The following SP110 variants were observed in gnomAD, a reference collection of about 807,000 sequenced individuals.
The protein encoded by SP110 is SP110 nuclear body protein, also known as interferon-induced protein 41, 30kD.
In SP110, 62 loss-of-function variants were observed where a neutral mutation model predicts 92.7. The ratio of observed to expected loss-of-function variants is 0.67; its 90% confidence interval spans 0.55 to 0.83. The LOEUF (loss-of-function observed/expected upper bound fraction) is 0.83. SP110 is among the 40% of genes least tolerant of loss of function. The pLI is 0.00. For synonymous variants in SP110, 273 were observed against 305.3 expected (o/e 0.89, Z 1.10); for missense variants, 793 against 863.9 (o/e 0.92, Z 1.03).
chr2:230,209,060 TTTTTG>T (rs2044184523), intron 7 of SP110, among the ~76,000 whole-genome samples: 3 of 152,204 alleles, frequency 2.0e-5, no homozygotes, highest in African/African-American at 7.2e-5. Context: ...GAAAAATATA[TTTTTG>T]ATTCTTTTTC....
At chr2:230,177,432 C>T (rs1269106564) in intron 14 of SP110, 106 bp downstream of exon 14, 2 of 1,189,412 alleles carry the variant, frequency 1.7e-6, no homozygotes, top group Non-Finnish European at 2.5e-6. Context: ...CCTTATAAAT[C>T]ATGCTGTTGA....
rs34926695 is a variant in SP110, at chr2:230,198,596, A to AT, written c.1129+2288dup. 2.2e-4 allele frequency among the ~76,000 whole-genome samples: 34 copies of AT among 151,430 alleles called. No individual in the cohort carries two copies. The East Asian group carries it at 3.1e-3, about 14-fold the overall frequency. ...CCAGTCCTGGCAATAAAATGATAGAATTTTTTTTTCTTTTTTGAGATGGAG... is the reference window on the plus strand; with the variant it reads ...CCAGTCCTGGCAATAAAATGATAGAATTTTTTTTTTCTTTTTTGAGATGGAG... On this transcript the variant is annotated intron_variant, in intron 10 of 18. Transcript: ENST00000258381.
upstream of SP110, chr2:230,220,060 A>G: frequency 1.0e-5 from 10 of 985,582 alleles, no homozygotes; most frequent in Non-Finnish European, 1.2e-5. Context: ...CCAAGCCGGA[A>G]GCTGAAGGCA....
intron 10 of SP110, among the ~76,000 whole-genome samples, chr2:230,193,458 T>G (rs907109738): frequency 1.3e-5 from 2 of 152,358 alleles, no homozygotes; most frequent in East Asian, 3.9e-4. Flanking sequence ...CCTTGTGAGT[T>G]TTATGCTTTC....
At chr2:230,197,140 C>CTAGTGTA (rs1399814877) in intron 10 of SP110, among the ~76,000 whole-genome samples, 1 of 152,176 alleles carries the variant, frequency 6.6e-6, no homozygotes, top group Non-Finnish European at 1.5e-5. Flanking sequence ...AATGGTTGAA[C>CTAGTGTA]TAGTGTACAG....
At position 230,212,433 on chromosome 2, in the gene SP110, GA is replaced by G; in HGVS notation, c.584-4del. 1 of 1,602,240 alleles carries G rather than the reference GA, an allele frequency of 6.2e-7. No individual in the cohort carries two copies. The highest frequency in any genetic ancestry group is 1.7e-5 in the Admixed American group (1 of 59,988). ...GGATGTTAACTTGTCATTGGTCACTGAAGGAGGAAAGGAAATTATTACAGAT... is the reference window on the plus strand; with the variant it reads ...GGATGTTAACTTGTCATTGGTCACTGAGGAGGAAAGGAAATTATTACAGAT... On this transcript the variant is annotated splice_region_variant and splice_polypyrimidine_tract_variant and intron_variant, in intron 4 of 18. Coordinates refer to ENST00000258381, the MANE Select transcript of SP110 (RefSeq NM_080424.4).
chr2:230,220,579 C>G (rs1201966037), upstream of SP110, among the ~76,000 whole-genome samples: 2 of 152,142 alleles, frequency 1.3e-5, no homozygotes, highest in Non-Finnish European at 2.9e-5. Flanking sequence ...TAGTTGGGAG[C>G]CAGGAGTCTG....
chr2:230,202,884 A>G (rs1444527674), intron 8 of SP110, 156 bp from the exon 9 acceptor site: 2 of 718,390 alleles, frequency 2.8e-6, no homozygotes, highest in East Asian at 5.2e-5. Flanking sequence ...CTTCTCTATA[A>G]TTATATCCTT....
At chr2:230,210,475 G>A (rs1022704172) in intron 6 of SP110, among the ~76,000 whole-genome samples, 1 of 152,146 alleles carries the variant, frequency 6.6e-6, no homozygotes, top group Non-Finnish European at 1.5e-5. Context: ...ACATCTTATT[G>A]CTTTGACGTC....
rs1212638320 is a variant in SP110 at position 230,212,361 on chromosome 2, G to T, written c.653C>A (p.Thr218Asn). 6 of 1,612,052 alleles carry T rather than the reference G, an allele frequency of 3.7e-6. No homozygotes were observed. In the Admixed American group the frequency reaches 8.3e-5, roughly 22 times the overall value. Residue 218 changes from threonine (T) to asparagine (N), a missense_variant, in exon 5 of 19, where the codon ACT becomes AAT. Transcript: ENST00000258381. ...EDSEEMPSLL[T>N]STVQVASDNL... ...GTCAGTGTTACCTTGCACAGTGCTA[G>T]TGAGGAGGCTGGGCATCTCTTCTGA...
At chr2:230,173,183 T>C (rs545256161) in intron 14 of SP110, 1 of 512,030 alleles carries the variant, frequency 2.0e-6, no homozygotes, top group Non-Finnish European at 3.7e-6. Context: ...ACTTTTCTTC[T>C]CTGGCTGTGG....
In SP110 at chr2:230,212,904, G is replaced by A. The variant is rs748065443; in HGVS notation, c.440C>T (p.Pro147Leu). 1 of 1,614,134 alleles carries A rather than the reference G, an allele frequency of 6.2e-7. No homozygotes were observed. Among genetic ancestry groups the A allele is most frequent in the Admixed American group, 1.7e-5 (1 of 60,030 alleles). Residue 147 changes from proline to leucine, a missense_variant, in exon 4 of 19, where the codon CCA (proline) becomes CTA (leucine). Physicochemically the swap from Pro to Leu is moderately conservative, Grantham distance 98 (BLOSUM62 -3). Coordinates refer to ENST00000258381, the MANE Select transcript of SP110 (RefSeq NM_080424.4). ...TCTTGGCGCACAGGGTGAACAGCTT[G>A]GTTGAGGGGGTTGTGGTGGGGGCAG... is the stretch of plus-strand genomic sequence containing the variant. ...LALPPPQPPQ[P>L]SCSPCAPRVS...
chr2:230,172,243 C>T (rs1454679340), intron 15 of SP110, 69 bp from the exon 16 acceptor site: 5 of 968,484 alleles, frequency 5.2e-6, no homozygotes, highest in Non-Finnish European at 8.5e-6. Flanking sequence ...CTGTGGCTGC[C>T]ACTGTCTTCC....
At chr2:230,177,761 T>C (rs2041932358) in intron 13 of SP110, 81 bp from the exon 14 acceptor site, 30 of 1,478,226 alleles carry the variant, frequency 2.0e-5, no homozygotes, top group Non-Finnish European at 2.7e-5. Context: ...ATTGTGGCCT[T>C]CTACCTTTCC....
chr2:230,201,758 AG>A (rs1031519638), intron 9 of SP110, among the ~76,000 whole-genome samples: 61 of 152,370 alleles, frequency 4.0e-4, no homozygotes, highest in African/African-American at 1.4e-3. Flanking sequence ...TTGCATTAGT[AG>A]AAGGTCCATT....
At chr2:230,197,135 T>A (rs1318119762) in intron 10 of SP110, among the ~76,000 whole-genome samples, 1 of 152,190 alleles carries the variant, frequency 6.6e-6, no homozygotes, top group East Asian at 1.9e-4. Flanking sequence ...TCCACAATGG[T>A]TGAACTAGTG....
At chr2:230,191,062 A>G (rs2042607542) in intron 10 of SP110, among the ~76,000 whole-genome samples, 1 of 152,130 alleles carries the variant, frequency 6.6e-6, no homozygotes, top group South Asian at 2.1e-4. Flanking sequence ...TCCATATGAA[A>G]TTTAAAATAG....
In SP110 at chr2:230,175,571, T is replaced by G. The variant is rs1016671945; in HGVS notation, c.1590+1967A>C. 3.3e-5 allele frequency among the ~76,000 whole-genome samples: 5 copies of G among 152,316 alleles called. No individual in the cohort carries two copies. The South Asian group carries it at 1.0e-3, about 32-fold the overall frequency. ...ATTGGGAGACCAGTGCCTTAAACTT[T>G]GAATGAATCCAGCCTGGTCAGGCCA... On this transcript the variant is annotated intron_variant, in intron 14 of 18. Coordinates refer to ENST00000258381, the MANE Select transcript of SP110 (RefSeq NM_080424.4).
upstream of SP110, among the ~76,000 whole-genome samples, chr2:230,224,358 A>G (rs2046070047): frequency 6.7e-6 from 1 of 150,278 alleles, no homozygotes; most frequent in Non-Finnish European, 1.5e-5. Flanking sequence ...TTGGAGCCCC[A>G]TGGAGACTGG....
Sources: gnomAD v4.1 joint callset for allele counts (sites outside exome capture counted in the v4.1 genomes callset) on GRCh38, gnomAD v4.1.1 for gene constraint, MANE v1.5 for transcripts, NCBI Gene and HGNC (gene_info 2026-07-23, HGNC 2026-07-21) for gene names.